Variants in CHL1 observed in about 807,000 individuals in gnomAD.
The protein encoded by CHL1 is neural cell adhesion molecule L1-like protein.
Under a neutral mutation model 141.9 loss-of-function variants are expected in CHL1, and 96 were observed. The observed-to-expected ratio is 0.68, with a 90% CI of 0.57 to 0.80. The LOEUF is 0.80. CHL1 is among the 30% of genes least tolerant of loss of function. CHL1 has a pLI of 0.00. For missense variants in CHL1, 1,820 were observed against 1,457.2 expected (o/e 1.25, Z -4.05); for synonymous variants, 613 against 502.2 (o/e 1.22, Z -2.95).
chr3:242,790 AGCTCTGTGG>A (rs1316190013), intron 1 of CHL1, among the ~76,000 whole-genome samples: 2 of 152,106 alleles, frequency 1.3e-5, no homozygotes, highest in Admixed American at 6.5e-5. Flanking sequence ...AGCAGATGAG[AGCTCTGTGG>A]GCGTAGGCTG....
chr3:198,925 T>C (rs1698667911), intron 1 of CHL1, among the ~76,000 whole-genome samples: 2 of 152,200 alleles, frequency 1.3e-5, no homozygotes, highest in Non-Finnish European at 2.9e-5. Context: ...AGTATATTGA[T>C]GGAGAGAGAA....
chr3:289,044 G>T (rs2125330482), intron 2 of CHL1, among the ~76,000 whole-genome samples: 1 of 152,240 alleles, frequency 6.6e-6, no homozygotes, highest in Middle Eastern at 3.4e-3. Context: ...ACAATGCGAA[G>T]GGTGATCAAG....
chr3:274,206 A>G (rs1246513718), intron 2 of CHL1, among the ~76,000 whole-genome samples: 5 of 152,192 alleles, frequency 3.3e-5, no homozygotes, highest in African/African-American at 4.8e-5. Flanking sequence ...CAATTCAATG[A>G]TCACTTCATG....
chr3:407,995 C>T lies in CHL1; in HGVS notation c.*2284C>T, dbSNP rs4380399. On this transcript the variant is annotated 3_prime_UTR_variant, in exon 28 of 28. Transcript: ENST00000256509. ...ATACTATTTGGCAACTACTGGGACT[C>T]TTCAGCACAAAAGGAATAGATCTAT... 6.6e-6 allele frequency: 1 copy of T among 152,050 alleles called. No homozygotes were observed. The highest frequency in any genetic ancestry group is 1.9e-4 in the East Asian group (1 of 5,174). 9.4% of individuals were successfully genotyped at this position (152,050 alleles called of 1,614,324 possible).
intron 5 of CHL1, among the ~76,000 whole-genome samples, chr3:328,925 AAAGCAAGT>A (rs1353695691): frequency 6.6e-6 from 1 of 152,170 alleles, no homozygotes; most frequent in Non-Finnish European, 1.5e-5. Context: ...TAGGTGGGGC[AAAGCAAGT>A]TGCATAGTCC....
chr3:372,579 T>A (rs139057730), intron 15 of CHL1, among the ~76,000 whole-genome samples: 2 of 152,258 alleles, frequency 1.3e-5, no homozygotes, highest in East Asian at 3.9e-4. Flanking sequence ...GCATAGTTTT[T>A]TATTACCCAT....
intron 1 of CHL1, among the ~76,000 whole-genome samples, chr3:218,939 G>C (rs912116594): frequency 2.0e-5 from 3 of 152,126 alleles, no homozygotes; most frequent in African/African-American, 7.2e-5. Flanking sequence ...GAGGTCAGGA[G>C]ATCGAGACCG....
intron 2 of CHL1, among the ~76,000 whole-genome samples, chr3:261,658 A>G (rs1182928440): frequency 1.3e-5 from 2 of 152,148 alleles, no homozygotes; most frequent in Non-Finnish European, 2.9e-5. Context: ...TATTAATGTA[A>G]CTGTCAGATT....
In CHL1 at chr3:340,849, T is replaced by C; in HGVS notation, c.441T>C (p.Asp147=). The change falls in exon 6 of 28, where the codon GAT becomes GAC. Residue 147 remains aspartate, a synonymous_variant. Transcript: ENST00000256509. ...ACCCTCTTGAAGTGGAGGAGGGAGA[T>C]CCAATTGTCCTCCCATGCAATCCTC... The part of the protein sequence containing the change: ...KIDPLEVEEG[D]PIVLPCNPPK... 6.2e-7 allele frequency: 1 copy of C among 1,609,838 alleles called. No homozygotes were observed. The highest frequency in any genetic ancestry group is 2.2e-5 in the East Asian group (1 of 44,822).
intron 1 of CHL1, among the ~76,000 whole-genome samples, chr3:215,195 T>C (rs1050086113): frequency 5.3e-5 from 8 of 152,110 alleles, no homozygotes; most frequent in Admixed American, 3.9e-4. Context: ...ATAAAGAAAA[T>C]GTGGTGTATA....
intron 1 of CHL1, among the ~76,000 whole-genome samples, chr3:231,714 T>C (rs1701881355): frequency 6.6e-6 from 1 of 151,662 alleles, no homozygotes; most frequent in Non-Finnish European, 1.5e-5. Context: ...GTAGCTGGGA[T>C]TACAGGTGCC....
intron 4 of CHL1, 81 bp from the exon 5 acceptor site, chr3:328,086 C>A: frequency 9.3e-7 from 1 of 1,077,634 alleles, no homozygotes. Flanking sequence ...TTGGTTTTGT[C>A]AATTTTATGC....
intron 3 of CHL1, 107 bp downstream of exon 3, chr3:319,974 A>G (rs537559930): frequency 3.1e-6 from 2 of 653,060 alleles, no homozygotes. Context: ...CCATATTTCT[A>G]TATATTCTTT....
intron 2 of CHL1, among the ~76,000 whole-genome samples, chr3:269,674 C>A (rs1053717961): frequency 6.6e-6 from 1 of 152,148 alleles, no homozygotes; most frequent in Admixed American, 6.5e-5. Context: ...TACAGGCATG[C>A]GCCACTATGC....
At chr3:388,731 T>A (rs569100174) in intron 19 of CHL1, among the ~76,000 whole-genome samples, 1 of 152,312 alleles carries the variant, frequency 6.6e-6, no homozygotes, top group South Asian at 2.1e-4. Context: ...AACATTCATA[T>A]TCTCCAAAAA....
intron 2 of CHL1, among the ~76,000 whole-genome samples, chr3:276,706 GGT>G (rs1696148594): frequency 6.6e-6 from 1 of 151,690 alleles, no homozygotes. Context: ...TGGCTAACAG[GGT>G]GAAATCCCTT....
chr3:291,781 G>A (rs1343450190), intron 2 of CHL1, among the ~76,000 whole-genome samples: 1 of 152,108 alleles, frequency 6.6e-6, no homozygotes, highest in Non-Finnish European at 1.5e-5. Context: ...ATGATTGTCA[G>A]CAGATGTAAT....
chr3:346,505 A>G (rs571227916), intron 9 of CHL1, among the ~76,000 whole-genome samples: 1 of 152,260 alleles, frequency 6.6e-6, no homozygotes, highest in East Asian at 1.9e-4. Flanking sequence ...GCCTTCACTG[A>G]CCTCTTGGAT....
intron 2 of CHL1, among the ~76,000 whole-genome samples, chr3:297,230 A>T (rs1210728077): frequency 6.6e-6 from 1 of 152,120 alleles, no homozygotes; most frequent in African/African-American, 2.4e-5. Flanking sequence ...CGTCTTAAGA[A>T]AATAAATAAA....
Sources: allele counts gnomAD v4.1 joint callset (sites outside exome capture counted in the v4.1 genomes callset), GRCh38; gene constraint gnomAD v4.1.1; transcripts MANE v1.5; gene names NCBI Gene and HGNC (gene_info 2026-07-23, HGNC 2026-07-21).